Variants in COL4A4 observed in about 807,000 individuals in gnomAD.
COL4A4 encodes the protein collagen alpha-4(IV) chain.
In COL4A4, 105 loss-of-function variants were observed where a neutral mutation model predicts 192.9. The ratio of observed to expected loss-of-function variants is 0.54; its 90% CI spans 0.46 to 0.64. COL4A4 has a LOEUF of 0.64. COL4A4 is among the 30% of genes least tolerant of loss of function. The pLI, the probability that COL4A4 is intolerant of heterozygous loss-of-function variation, is 0.00. For missense variants in COL4A4, 1,967 were observed against 2,169.3 expected (o/e 0.91, Z 1.85); for synonymous variants, 762 against 769.9 (o/e 0.99, Z 0.17).
chr2:227,061,259 T>TA (rs1228359234), intron 26 of COL4A4, among the ~76,000 whole-genome samples: 1 of 152,236 alleles, frequency 6.6e-6, no homozygotes, highest in East Asian at 1.9e-4. Flanking sequence ...ACTCTGCTGA[T>TA]ACGGAATTAT....
intron 43 of COL4A4, among the ~76,000 whole-genome samples, chr2:227,025,344 C>T (rs1268393611): frequency 6.6e-6 from 1 of 152,198 alleles, no homozygotes; most frequent in Admixed American, 6.5e-5. Context: ...AAGAAATGTG[C>T]TCCTTGAAAA....
chr2:227,135,722 A>G (rs931988843), intron 4 of COL4A4, among the ~76,000 whole-genome samples: 11 of 151,884 alleles, frequency 7.2e-5, no homozygotes, highest in South Asian at 6.3e-4. Context: ...AGCTCACTGT[A>G]ACCTCCGCCT....
chr2:226,972,397 C>T, the COL4A4 span, among the ~76,000 whole-genome samples: 2 of 152,182 alleles, frequency 1.3e-5, no homozygotes, highest in East Asian at 3.8e-4. Context: ...AAGAGAGAGA[C>T]AGGGATTACC....
chr2:227,037,009 T>C (rs1969821794), intron 37 of COL4A4, among the ~76,000 whole-genome samples: 1 of 152,212 alleles, frequency 6.6e-6, no homozygotes, highest in Non-Finnish European at 1.5e-5. Flanking sequence ...TTCAATCTTA[T>C]ATTACTTTCC....
intron 19 of COL4A4, among the ~76,000 whole-genome samples, chr2:227,095,762 G>A (rs910836898): frequency 7.2e-5 from 11 of 152,212 alleles, no homozygotes; most frequent in Non-Finnish European, 1.3e-4. Context: ...GGGCATGGTG[G>A]CAGGTGCCTG....
chr2:227,122,647 T>C (rs956233457), intron 4 of COL4A4, among the ~76,000 whole-genome samples: 1 of 152,186 alleles, frequency 6.6e-6, no homozygotes, highest in Non-Finnish European at 1.5e-5. Context: ...AAATACTTCA[T>C]GGGCAAATGG....
intron 1 of COL4A4, among the ~76,000 whole-genome samples, chr2:227,158,114 A>G (rs1240861852): frequency 6.6e-6 from 1 of 152,164 alleles, no homozygotes; most frequent in Non-Finnish European, 1.5e-5. Flanking sequence ...TAGTCTTGCT[A>G]AAAAACTAGT....
At chr2:227,013,854 C>A (rs1200711929) in intron 44 of COL4A4, among the ~76,000 whole-genome samples, 1 of 152,196 alleles carries the variant, frequency 6.6e-6, no homozygotes, top group Admixed American at 6.5e-5. Context: ...CCCAGGAATT[C>A]ATGGAGCCTC....
In COL4A4 at chr2:227,007,958, GC is replaced by G. The variant is rs1962528896; in HGVS notation, c.4809+59del. On this transcript the variant is annotated intron_variant, in intron 47 of 47. Transcript: ENST00000396625. ...TTACTGTCCAATCCAGAGAGAAATG[GC>G]GGGAGAAGGTGTTAGGAAATGGTGA... The G allele has an allele frequency of 1.8e-5, 28 of 1,575,544 alleles. No homozygotes were observed. In the Admixed American group the frequency reaches 4.8e-4, roughly 27 times the overall value.
rs370486680 is a variant in COL4A4, at chr2:227,088,713, G to C, written c.1563C>G (p.Gly521=). 6.2e-7 allele frequency: 1 copy of C among 1,614,160 alleles called. No homozygotes were observed. The highest frequency in any genetic ancestry group is 8.5e-7 in the Non-Finnish European group (1 of 1,180,008). Residue 521 remains glycine (G), a synonymous_variant, in exon 22 of 48, where the codon GGC becomes GGG. Transcript: ENST00000396625. The stretch of plus-strand genomic sequence containing the variant: ...CTGGGTCACCTTTTGTTCCAAGCCA[G>C]CCAGGGAGCCCCAAGTCTCCCTTAC... ...QGSKGDLGLP[G]WLGTKGDPGP...
chr2:227,007,293 T>A lies in COL4A4; in HGVS notation c.*32A>T. 6.2e-7 allele frequency: 1 copy of A among 1,614,126 alleles called. No homozygotes were observed. The highest frequency in any genetic ancestry group is 1.6e-4 in the Middle Eastern group (1 of 6,062). ...AAGTCTTAGCCCCCTAGGAAGTTTC[T>A]CTTGGCCACGTGTTGGTGAATTTCG... is the stretch of plus-strand genomic sequence containing the variant. On this transcript the variant is annotated 3_prime_UTR_variant, in exon 48 of 48. Transcript: ENST00000396625.
At chr2:227,028,898 G>A (rs1967652644) in intron 41 of COL4A4, among the ~76,000 whole-genome samples, 1 of 152,006 alleles carries the variant, frequency 6.6e-6, no homozygotes, top group Non-Finnish European at 1.5e-5. Context: ...GGCCTCCAGG[G>A]ATCCTCACGC....
chr2:226,992,187 C>T, the COL4A4 span, among the ~76,000 whole-genome samples: 1 of 152,206 alleles, frequency 6.6e-6, no homozygotes, highest in African/African-American at 2.4e-5. Context: ...AAGTAGAAGA[C>T]AGAGTGTACC....
At chr2:227,031,764 T>C (rs1426255262) in intron 40 of COL4A4, among the ~76,000 whole-genome samples, 181 bp downstream of exon 40, 1 of 152,142 alleles carries the variant, frequency 6.6e-6, no homozygotes, top group Non-Finnish European at 1.5e-5. Flanking sequence ...CTGGATATGG[T>C]CCTGAGAGCC....
intron 25 of COL4A4, among the ~76,000 whole-genome samples, chr2:227,064,107 T>G (rs1052752913): frequency 2.0e-5 from 3 of 152,174 alleles, no homozygotes; most frequent in African/African-American, 7.2e-5. Flanking sequence ...TTATGTGACA[T>G]TCTGCCACAG....
At chr2:227,087,314 T>C (rs562334422) in intron 22 of COL4A4, among the ~76,000 whole-genome samples, 93 of 152,334 alleles carry the variant, frequency 6.1e-4, no homozygotes, top group African/African-American at 2.0e-3. Context: ...TCTGAATCCT[T>C]AAGTTGAATA....
chr2:227,074,955 T>C (rs1559556629), intron 25 of COL4A4, among the ~76,000 whole-genome samples: 1 of 151,954 alleles, frequency 6.6e-6, no homozygotes, highest in Non-Finnish European at 1.5e-5. Context: ...GTTTATTTGG[T>C]TATTCAAATA....
chr2:227,158,687 G>T (rs893687472), intron 1 of COL4A4, among the ~76,000 whole-genome samples: 13 of 151,952 alleles, frequency 8.6e-5, no homozygotes, highest in South Asian at 6.2e-4. Context: ...CTTCACAAAA[G>T]AAGCTACATG....
intron 18 of COL4A4, 141 bp from the exon 19 acceptor site, chr2:227,098,939 T>C: frequency 1.4e-6 from 1 of 695,450 alleles, no homozygotes; most frequent in Non-Finnish European, 2.5e-6. Flanking sequence ...AAACGAAATA[T>C]CTTAAATGTG....
Sources: gnomAD v4.1 joint callset for allele counts (sites outside exome capture counted in the v4.1 genomes callset) on GRCh38, gnomAD v4.1.1 for gene constraint, MANE v1.5 for transcripts, NCBI Gene and HGNC (gene_info 2026-07-23, HGNC 2026-07-21) for gene names.